PCNX1: variants seen among roughly 807,000 people sequenced by gnomAD.
The protein encoded by PCNX1 is pecanex-like protein 1.
PCNX1 carries 78 observed loss-of-function variants against 242.2 expected under a neutral mutation model. That is an observed-to-expected ratio of 0.32 (90% CI 0.27 to 0.39). The LOEUF is 0.39. PCNX1 is among the 10% of genes least tolerant of loss of function. The probability of loss-of-function intolerance (pLI) is 1.00; values close to 1 mark genes in which losing one functional copy is unlikely to be tolerated. For missense variants in PCNX1, 2,581 were observed against 2,856.5 expected, an observed-to-expected ratio of 0.90 and a Z score of 2.20; for synonymous variants, 1,024 against 1,032.9, an observed-to-expected ratio of 0.99 and a Z score of 0.17.
chr14:71,027,372 A>G (rs766898217), intron 15 of PCNX1, among the ~76,000 whole-genome samples: 1 of 151,974 alleles, frequency 6.6e-6, no homozygotes, highest in Non-Finnish European at 1.5e-5. Context: ...TTTAAGAACT[A>G]TCTCTGTTCA....
intron 26 of PCNX1, among the ~76,000 whole-genome samples, chr14:71,062,589 G>A (rs1046734186): frequency 5.9e-5 from 9 of 151,860 alleles, no homozygotes; most frequent in Admixed American, 3.3e-4. Context: ...TAATTTAAGC[G>A]TTATTACAAA....
chr14:70,973,839 A>G (rs1023289412), intron 5 of PCNX1, among the ~76,000 whole-genome samples: 4 of 152,034 alleles, frequency 2.6e-5, no homozygotes, highest in African/African-American at 7.2e-5. Flanking sequence ...TTTTTTTTGC[A>G]TATCATTTTT....
intron 5 of PCNX1, among the ~76,000 whole-genome samples, chr14:70,974,260 T>TC (rs1331908324): frequency 1.3e-5 from 2 of 150,108 alleles, no homozygotes; most frequent in African/African-American, 4.9e-5. Context: ...TTTTTTTTTT[T>TC]TGAGAGGGAG....
intron 30 of PCNX1, among the ~76,000 whole-genome samples, chr14:71,097,331 G>C (rs200840554): frequency 1.3e-5 from 2 of 152,208 alleles, no homozygotes. Flanking sequence ...TTTATACCTA[G>C]TAATGGGATT....
intron 8 of PCNX1, among the ~76,000 whole-genome samples, chr14:71,002,735 G>T (rs1283194252): frequency 6.6e-6 from 1 of 152,114 alleles, no homozygotes; most frequent in Non-Finnish European, 1.5e-5. Flanking sequence ...GTATGAGCAG[G>T]CTGTATATTG....
At chr14:71,071,273 T>C (rs989191740) in intron 26 of PCNX1, among the ~76,000 whole-genome samples, 1 of 152,346 alleles carries the variant, frequency 6.6e-6, no homozygotes, top group Non-Finnish European at 1.5e-5. Context: ...TTCTTATCTT[T>C]TGTTTGTTCA....
chr14:71,072,311 C>T (rs144648235), intron 26 of PCNX1, among the ~76,000 whole-genome samples: 128 of 152,266 alleles, frequency 8.4e-4, no homozygotes, highest in Middle Eastern at 3.4e-3. Flanking sequence ...ATAAAATGGT[C>T]ACCCACAGCA....
chr14:71,045,114 C>A lies in PCNX1; in HGVS notation c.3868-19C>A. 6.5e-7 allele frequency: 1 copy of A among 1,547,780 alleles called. No homozygotes were observed. Among genetic ancestry groups the A allele is most frequent in the Non-Finnish European group, 8.7e-7 (1 of 1,147,460 alleles). Reference sequence around the variant, plus strand: ...CTCAAAATCACTCCTAATTTTATCACTTCTATTATTTTTTTTAGCCTGCCC... The same window carrying A: ...CTCAAAATCACTCCTAATTTTATCAATTCTATTATTTTTTTTAGCCTGCCC... On this transcript the variant is annotated intron_variant, in intron 19 of 35. Transcript: ENST00000304743.
intron 28 of PCNX1, among the ~76,000 whole-genome samples, chr14:71,087,793 G>A (rs2141633426): frequency 6.6e-6 from 1 of 152,200 alleles, no homozygotes; most frequent in South Asian, 2.1e-4. Flanking sequence ...AGGAGACTTA[G>A]CAGCTTCTTT....
Position 71,055,544 on chromosome 14 carries a change from C to T in PCNX1, c.4618C>T (p.Gln1540Ter), listed in dbSNP as rs149428100. The part of the protein sequence containing the change: ...VDHSNTRLAS[Q>*]LDRNPGSDDN... ...TCATTCAAATACCAGATTGGCTTCC[C>T]AGCTTGATAGAAATCCAGGTAATAG... is the stretch of plus-strand genomic sequence containing the variant. The change falls in exon 25 of 36, where the codon CAG becomes TAG. Residue 1540 changes from glutamine (Q) to a stop codon, truncating the protein, a stop_gained. Coordinates refer to ENST00000304743, the MANE Select transcript of PCNX1 (RefSeq NM_014982.3). LOFTEE classifies it high-confidence loss of function. 6.2e-7 allele frequency: 1 copy of T among 1,605,692 alleles called. No homozygotes were observed. Among genetic ancestry groups the T allele is most frequent in the African/African-American group, 1.3e-5 (1 of 74,874 alleles).
intron 1 of PCNX1, among the ~76,000 whole-genome samples, chr14:70,924,230 T>G (rs1181137883): frequency 2.0e-5 from 1 of 50,618 alleles, no homozygotes; most frequent in Non-Finnish European, 4.0e-5. Context: ...TGAGACTGTC[T>G]CAAAAAAAAA....
intron 23 of PCNX1, among the ~76,000 whole-genome samples, chr14:71,051,082 C>A (rs578195769): frequency 7.1e-6 from 1 of 140,648 alleles, no homozygotes; most frequent in Non-Finnish European, 1.5e-5. Flanking sequence ...GCAGGAGAAT[C>A]TCTTGAATCC....
At position 70,981,623 on chromosome 14, in the gene PCNX1, C is replaced by T. The variant is rs570553180; in HGVS notation, c.2311+2975C>T. ...ACAGGAAATATGTTTTAAGTTCAAACTAAGTCATTTTCTGTTGATCTCTTG... is the reference window on the plus strand; with the variant it reads ...ACAGGAAATATGTTTTAAGTTCAAATTAAGTCATTTTCTGTTGATCTCTTG... On this transcript the variant is annotated intron_variant, in intron 6 of 35. Coordinates refer to ENST00000304743, the MANE Select transcript of PCNX1 (RefSeq NM_014982.3). 1.3e-3 allele frequency among the ~76,000 whole-genome samples: 194 copies of T among 152,188 alleles called. 1 individual carries two copies. In the Middle Eastern group the frequency reaches 0.014, roughly 11 times the overall value.
intron 16 of PCNX1, among the ~76,000 whole-genome samples, chr14:71,032,442 G>A (rs1363731029): frequency 6.6e-6 from 1 of 152,086 alleles, no homozygotes; most frequent in Non-Finnish European, 1.5e-5. Context: ...GGGGGTAATA[G>A]TACATATTTT....
At chr14:70,975,068 G>C (rs1333339477) in intron 5 of PCNX1, among the ~76,000 whole-genome samples, 1 of 152,056 alleles carries the variant, frequency 6.6e-6, no homozygotes, top group Non-Finnish European at 1.5e-5. Flanking sequence ...AAGGAAGTTG[G>C]TTTTGATCAT....
chr14:70,934,602 A>C (rs992550320), intron 1 of PCNX1, among the ~76,000 whole-genome samples: 1 of 152,172 alleles, frequency 6.6e-6, no homozygotes, highest in Non-Finnish European at 1.5e-5. Flanking sequence ...ATTTTTAAGT[A>C]TACTCTTCAG....
Position 70,953,367 on chromosome 14 carries a change from A to T in PCNX1, c.362+6244A>T, listed in dbSNP as rs183053884. Among the ~76,000 whole-genome samples the T allele has an allele frequency of 8.5e-3, 1,299 of 151,982 alleles. 8 individuals carry two copies. The highest frequency in any genetic ancestry group is 0.017 in the South Asian group (82 of 4,810). On this transcript the variant is annotated intron_variant, in intron 2 of 35. Transcript: ENST00000304743. Reference sequence around the variant, plus strand: ...GATTACTACTGAGGTTAAACATTTTATTTTTTTATATATGGTCCATTTAGG... The same window carrying T: ...GATTACTACTGAGGTTAAACATTTTTTTTTTTTATATATGGTCCATTTAGG...
At chr14:70,989,656 AG>A (rs1415804475) in intron 7 of PCNX1, among the ~76,000 whole-genome samples, 3 of 149,872 alleles carry the variant, frequency 2.0e-5, no homozygotes, top group Admixed American at 6.8e-5. Context: ...CAGCCTCCCG[AG>A]GAGCTGGGAT....
intron 1 of PCNX1, among the ~76,000 whole-genome samples, chr14:70,918,876 GT>G (rs1409255534): frequency 9.5e-6 from 1 of 105,578 alleles, no homozygotes; most frequent in Non-Finnish European, 2.0e-5. Flanking sequence ...TTTGTTGGTG[GT>G]TTTTTGGTTT....
Sources: allele counts gnomAD v4.1 joint callset (sites outside exome capture counted in the v4.1 genomes callset), GRCh38; gene constraint gnomAD v4.1.1; transcripts MANE v1.5; gene names NCBI Gene and HGNC (gene_info 2026-07-23, HGNC 2026-07-21).